The following GPM6A variants were observed in gnomAD, a reference collection of about 807,000 sequenced individuals.
GPM6A encodes neuronal membrane glycoprotein M6-a.
Under a neutral mutation model 32.1 loss-of-function variants are expected in GPM6A, and 7 were observed. The ratio of observed to expected loss-of-function variants is 0.22; its 90% CI spans 0.12 to 0.41. The LOEUF is 0.41. Ranked by LOEUF, GPM6A falls within the 10% of genes least tolerant of loss-of-function variation. GPM6A has a pLI of 1.00. For missense variants in GPM6A, 235 were observed against 347.2 expected, an observed-to-expected ratio of 0.68 and a Z score of 2.57; for synonymous variants, 130 against 123.4, an observed-to-expected ratio of 1.05 and a Z score of -0.35.
chr4:175,762,377 T>C (rs1732782840), intron 1 of GPM6A, among the ~76,000 whole-genome samples: 1 of 152,206 alleles, frequency 6.6e-6, no homozygotes, highest in Non-Finnish European at 1.5e-5. Flanking sequence ...ATTTATTTAT[T>C]CTTTCATTCA....
intron 1 of GPM6A, among the ~76,000 whole-genome samples, chr4:175,828,244 A>T (rs953615448): frequency 7.2e-5 from 11 of 152,204 alleles, no homozygotes; most frequent in Non-Finnish European, 1.2e-4. Flanking sequence ...TGTAACAGTT[A>T]TTAGTCAGGG....
chr4:175,907,986 G>A (rs138471472), intron 1 of GPM6A, among the ~76,000 whole-genome samples: 42 of 152,196 alleles, frequency 2.8e-4, no homozygotes, highest in African/African-American at 1.0e-3. Flanking sequence ...CTACACTGTT[G>A]AATAGTAAAG....
At chr4:175,637,312 A>G (rs575980773) in intron 6 of GPM6A, among the ~76,000 whole-genome samples, 3 of 22,572 alleles carry the variant, frequency 1.3e-4, no homozygotes, top group African/African-American at 3.3e-4. Context: ...TATTATATAT[A>G]ATATAAAATA....
chr4:175,664,916 T>C (rs1195825227), intron 3 of GPM6A, among the ~76,000 whole-genome samples: 2 of 152,224 alleles, frequency 1.3e-5, no homozygotes, highest in Admixed American at 6.5e-5. Flanking sequence ...CTATGCTACA[T>C]GGTATAGCCT....
In GPM6A at chr4:175,660,310, G is replaced by A. The variant is rs112263820; in HGVS notation, c.388-8323C>T. ...GAGGCAGGAGAATCACTTGAATCTG[G>A]GAGGCAGAGGTTTCAGTGAGCCGAG... On this transcript the variant is annotated intron_variant, in intron 3 of 6. Transcript: ENST00000393658. Among the ~76,000 whole-genome samples, 241 of 152,120 alleles carry A rather than the reference G, an allele frequency of 1.6e-3. 1 individual carries two copies. Among genetic ancestry groups the A allele is most frequent in the Middle Eastern group, 6.8e-3 (2 of 294 alleles).
chr4:175,790,305 G>T (rs898274851), intron 1 of GPM6A: 1 of 152,062 alleles, frequency 6.6e-6, no homozygotes, highest in South Asian at 2.1e-4. Flanking sequence ...GAGCTTACAT[G>T]GGGCATTTCA....
chr4:175,665,960 C>T (rs1032433872), intron 3 of GPM6A, among the ~76,000 whole-genome samples: 1 of 150,308 alleles, frequency 6.7e-6, no homozygotes, highest in Admixed American at 6.6e-5. Flanking sequence ...ACTCAGTCAC[C>T]CAGGCTGGAG....
At chr4:175,731,038 G>A (rs1422977419) in intron 1 of GPM6A, among the ~76,000 whole-genome samples, 1 of 152,110 alleles carries the variant, frequency 6.6e-6, no homozygotes, top group Non-Finnish European at 1.5e-5. Context: ...AACTTAGTGG[G>A]TCTGATTGCA....
chr4:175,908,247 A>G (rs2111502574), intron 1 of GPM6A, among the ~76,000 whole-genome samples: 1 of 152,268 alleles, frequency 6.6e-6, no homozygotes, highest in East Asian at 1.9e-4. Context: ...ATTTGTCCAC[A>G]GCAGATGCCC....
chr4:175,897,139 C>T (rs1401407380), intron 1 of GPM6A, among the ~76,000 whole-genome samples: 1 of 151,926 alleles, frequency 6.6e-6, no homozygotes, highest in African/African-American at 2.4e-5. Context: ...GAGACATCCT[C>T]GGGATTAGGA....
intron 3 of GPM6A, among the ~76,000 whole-genome samples, chr4:175,654,877 G>A (rs1741997542): frequency 6.6e-6 from 1 of 152,112 alleles, no homozygotes; most frequent in Non-Finnish European, 1.5e-5. Context: ...AAAATCCATG[G>A]AAGAGTAATC....
chr4:175,765,802 C>T (rs1350426216), intron 1 of GPM6A, among the ~76,000 whole-genome samples: 2 of 152,136 alleles, frequency 1.3e-5, no homozygotes, highest in African/African-American at 4.8e-5. Flanking sequence ...TTTCATATTG[C>T]CCCAGTGAAA....
chr4:175,936,894 G>T (rs1739256936), intron 1 of GPM6A, among the ~76,000 whole-genome samples: 2 of 151,022 alleles, frequency 1.3e-5, no homozygotes, highest in South Asian at 4.1e-4. Context: ...TATAAACAAA[G>T]AAGTCACAAA....
chr4:175,941,023 C>T (rs142392967), intron 1 of GPM6A, among the ~76,000 whole-genome samples: 1 of 152,224 alleles, frequency 6.6e-6, no homozygotes, highest in Non-Finnish European at 1.5e-5. Flanking sequence ...GGAGAAATTA[C>T]TAGTGTCCCT....
upstream of GPM6A, among the ~76,000 whole-genome samples, chr4:175,816,426 T>C (rs1735101359): frequency 6.6e-6 from 1 of 152,226 alleles, no homozygotes; most frequent in Non-Finnish European, 1.5e-5. Flanking sequence ...AAACACATTA[T>C]TATATACAAT....
chr4:175,790,502 G>C (rs1733970141), intron 1 of GPM6A: 1 of 152,074 alleles, frequency 6.6e-6, no homozygotes, highest in African/African-American at 2.4e-5. Flanking sequence ...CTTAGTTACT[G>C]TTATCTTTAT....
chr4:175,865,976 A>C (rs1183477169), intron 1 of GPM6A, among the ~76,000 whole-genome samples: 2 of 152,184 alleles, frequency 1.3e-5, no homozygotes, highest in African/African-American at 4.8e-5. Flanking sequence ...TTTTTAATTG[A>C]AAACTCAATT....
At chr4:175,887,568 A>T (rs1051269962) in intron 1 of GPM6A, among the ~76,000 whole-genome samples, 5 of 152,078 alleles carry the variant, frequency 3.3e-5, no homozygotes, top group East Asian at 1.9e-4. Flanking sequence ...AATAGAATTT[A>T]AAAAATCAAG....
intron 1 of GPM6A, among the ~76,000 whole-genome samples, chr4:175,918,687 C>T (rs1027645029): frequency 1.3e-5 from 2 of 152,156 alleles, no homozygotes; most frequent in Admixed American, 1.3e-4. Context: ...CCTAAGAAAA[C>T]TGCATATCAT....
Sources: gnomAD v4.1 joint callset for allele counts (sites outside exome capture counted in the v4.1 genomes callset) on GRCh38, gnomAD v4.1.1 for gene constraint, MANE v1.5 for transcripts, NCBI Gene and HGNC (gene_info 2026-07-23, HGNC 2026-07-21) for gene names.